The following CCDC73 variants were observed in gnomAD, a reference collection of about 807,000 sequenced individuals.
CCDC73 encodes the protein coiled-coil domain-containing protein 73.
A neutral mutation model predicts 116.5 loss-of-function variants in CCDC73; 95 were observed. The observed-to-expected ratio is 0.82, with a 90% confidence interval of 0.69 to 0.97. The LOEUF (loss-of-function observed/expected upper bound fraction) is 0.97. CCDC73 is among the 50% of genes least tolerant of loss of function. CCDC73 has a pLI of 0.00. For synonymous variants in CCDC73, 398 were observed against 401.3 expected (o/e 0.99, Z 0.10); for missense variants, 1,066 against 1,206.8 (o/e 0.88, Z 1.73).
chr11:32,608,279 T>C (rs995081308), intron 17 of CCDC73, among the ~76,000 whole-genome samples: 3 of 152,122 alleles, frequency 2.0e-5, no homozygotes, highest in African/African-American at 7.2e-5. Context: ...CCCTTCCACC[T>C]ATAAGCCAGT....
At chr11:32,731,117 G>A (rs1003939361) in intron 2 of CCDC73, among the ~76,000 whole-genome samples, 1 of 152,224 alleles carries the variant, frequency 6.6e-6, no homozygotes, top group African/African-American at 2.4e-5. Flanking sequence ...CGACACACCA[G>A]GAGATTATAT....
At chr11:32,713,466 A>G (rs1033906152) in intron 3 of CCDC73, among the ~76,000 whole-genome samples, 1 of 152,082 alleles carries the variant, frequency 6.6e-6, no homozygotes, top group South Asian at 2.1e-4. Flanking sequence ...GATGGTTATC[A>G]TAAAGCCACA....
the CCDC73 span, among the ~76,000 whole-genome samples, chr11:32,821,857 G>T: frequency 6.6e-6 from 1 of 152,148 alleles, no homozygotes; most frequent in Non-Finnish European, 1.5e-5. Flanking sequence ...ATTAAACAAA[G>T]ATCTTATTTG....
At chr11:32,639,020 C>T (rs12806633) in intron 13 of CCDC73, among the ~76,000 whole-genome samples, 8 of 151,514 alleles carry the variant, frequency 5.3e-5, no homozygotes, top group African/African-American at 1.7e-4. Context: ...TGGTGGCCTG[C>T]GCCTGTAGTC....
At chr11:32,741,997 C>T (rs976245762) in intron 2 of CCDC73, among the ~76,000 whole-genome samples, 2 of 151,982 alleles carry the variant, frequency 1.3e-5, no homozygotes, top group Non-Finnish European at 2.9e-5. Context: ...CTCATCCTTT[C>T]TTATGGCTGC....
intron 6 of CCDC73, among the ~76,000 whole-genome samples, chr11:32,695,277 G>T (rs376310575): frequency 6.6e-6 from 1 of 151,840 alleles, no homozygotes; most frequent in East Asian, 1.9e-4. Flanking sequence ...GGTGAGGCAG[G>T]AGAATCGCTT....
At chr11:32,681,289 T>A (rs984848638) in intron 7 of CCDC73, 2 of 152,020 alleles carry the variant, frequency 1.3e-5, no homozygotes, top group African/African-American at 4.8e-5. Flanking sequence ...AACATGGTCA[T>A]CTATGTAGTA....
At chr11:32,729,166 C>T (rs893266654) in intron 2 of CCDC73, among the ~76,000 whole-genome samples, 5 of 152,174 alleles carry the variant, frequency 3.3e-5, no homozygotes, top group African/African-American at 9.7e-5. Flanking sequence ...TTGATGCTCT[C>T]CCTCCCCATT....
chr11:32,710,901 C>T (rs1235881081), intron 3 of CCDC73, among the ~76,000 whole-genome samples: 3 of 152,066 alleles, frequency 2.0e-5, no homozygotes, highest in South Asian at 4.1e-4. Flanking sequence ...AGATTCTGCA[C>T]AGCAAAAGAA....
intron 7 of CCDC73, chr11:32,679,716 T>C (rs1040065108): frequency 6.6e-6 from 1 of 152,152 alleles, no homozygotes; most frequent in Non-Finnish European, 1.5e-5. Context: ...GTAGCCTTCA[T>C]TAGAATACTC....
chr11:32,704,296 G>C (rs1300853184), intron 3 of CCDC73, among the ~76,000 whole-genome samples: 1 of 152,224 alleles, frequency 6.6e-6, no homozygotes, highest in Non-Finnish European at 1.5e-5. Flanking sequence ...TCCACTCCCT[G>C]ACCTCTCCCT....
intron 15 of CCDC73, 191 bp downstream of exon 15, chr11:32,615,749 T>A (rs916474403): frequency 1.7e-5 from 8 of 471,450 alleles, no homozygotes; most frequent in African/African-American, 1.6e-4. Context: ...AAAAATGCCC[T>A]AGGTCTGGTC....
intron 2 of CCDC73, among the ~76,000 whole-genome samples, chr11:32,727,017 C>T (rs185308556): frequency 1.3e-5 from 2 of 152,236 alleles, no homozygotes; most frequent in East Asian, 3.9e-4. Flanking sequence ...CCTTAGATTC[C>T]TCCATTCTGT....
chr11:32,743,823 T>C (rs1852231279), intron 2 of CCDC73, among the ~76,000 whole-genome samples: 1 of 152,190 alleles, frequency 6.6e-6, no homozygotes, highest in Non-Finnish European at 1.5e-5. Flanking sequence ...ATGATGGGGT[T>C]TTCTAAATAT....
chr11:32,654,243 G>T (rs2133262421), intron 10 of CCDC73, among the ~76,000 whole-genome samples: 1 of 152,166 alleles, frequency 6.6e-6, no homozygotes, highest in East Asian at 1.9e-4. Flanking sequence ...GTGCGATCTT[G>T]GCTCACTGCA....
intron 1 of CCDC73, among the ~76,000 whole-genome samples, chr11:32,787,736 T>C (rs1171747135): frequency 6.6e-6 from 1 of 152,194 alleles, no homozygotes. Flanking sequence ...TGAAAAATTA[T>C]ACCCATTAAT....
Position 32,670,240 on chromosome 11 carries a change from C to T in CCDC73, c.645+5325G>A, listed in dbSNP as rs182371648. Reference sequence around the variant, plus strand: ...ACTTAGAAAGTAAATTATTGGATAGCGGCCAGGCACAGTGGCTCACACCTG... The same window carrying T: ...ACTTAGAAAGTAAATTATTGGATAGTGGCCAGGCACAGTGGCTCACACCTG... On this transcript the variant is annotated intron_variant, in intron 9 of 17. Coordinates refer to ENST00000335185, the MANE Select transcript of CCDC73 (RefSeq NM_001008391.4). Among the ~76,000 whole-genome samples, 112 of 152,140 alleles carry T rather than the reference C, an allele frequency of 7.4e-4. 1 individual carries two copies. The highest frequency in any genetic ancestry group is 2.7e-3 in the African/African-American group (112 of 41,526).
chr11:32,621,456 A>G (rs1855522488), intron 14 of CCDC73, among the ~76,000 whole-genome samples: 1 of 152,240 alleles, frequency 6.6e-6, no homozygotes, highest in South Asian at 2.1e-4. Context: ...GTGCTGGGAA[A>G]ACTGGCTGGC....
In CCDC73 at chr11:32,610,069, A is replaced by G. The variant is rs138741181; in HGVS notation, c.3030+1063T>C. Among the ~76,000 whole-genome samples the G allele has an allele frequency of 8.8e-3, 1,331 of 151,972 alleles. 14 individuals are homozygous for G. Among genetic ancestry groups the G allele is most frequent in the Non-Finnish European group, 0.011 (758 of 67,978 alleles). ...CTCCCAAAGTGCTGGGATTACAGGC[A>G]TGAGCCACTGCACCCGGCCGGCAAA... is the stretch of plus-strand genomic sequence containing the variant. On this transcript the variant is annotated intron_variant, in intron 17 of 17. Coordinates refer to ENST00000335185, the MANE Select transcript of CCDC73 (RefSeq NM_001008391.4).
Sources: allele counts gnomAD v4.1 joint callset (sites outside exome capture counted in the v4.1 genomes callset), GRCh38; gene constraint gnomAD v4.1.1; transcripts MANE v1.5; gene names NCBI Gene and HGNC (gene_info 2026-07-23, HGNC 2026-07-21).